EPB41L4A: variants seen among roughly 807,000 people sequenced by gnomAD.
EPB41L4A encodes the protein erythrocyte membrane protein band 4.1 like 4A.
A neutral mutation model predicts 108.6 loss-of-function variants in EPB41L4A; 100 were observed. The ratio of observed to expected loss-of-function variants is 0.92; its 90% CI spans 0.78 to 1.09. EPB41L4A has a LOEUF of 1.09. Among genes scored for constraint, EPB41L4A ranks in the 50% least tolerant of loss-of-function variants. The pLI is 0.00. For missense variants in EPB41L4A, 1,030 were observed against 842.7 expected (o/e 1.22, Z -2.75); for synonymous variants, 319 against 289.0 (o/e 1.10, Z -1.05).
intron 4 of EPB41L4A, among the ~76,000 whole-genome samples, chr5:112,266,576 G>C (rs1751877911): frequency 6.6e-6 from 1 of 152,192 alleles, no homozygotes; most frequent in Non-Finnish European, 1.5e-5. Context: ...CCCAGCCCCA[G>C]CATTCAGTAC....
At chr5:112,416,863 G>T (rs1221726475) in intron 1 of EPB41L4A, among the ~76,000 whole-genome samples, 3 of 152,126 alleles carry the variant, frequency 2.0e-5, no homozygotes, top group African/African-American at 7.2e-5. Context: ...TTATAAATAT[G>T]CAAATATATT....
At chr5:112,240,986 A>G in intron 9 of EPB41L4A, among the ~76,000 whole-genome samples, 176 bp from the exon 10 acceptor site, 1 of 152,204 alleles carries the variant, frequency 6.6e-6, no homozygotes, top group East Asian at 1.9e-4. Context: ...ATCACCTTCC[A>G]TCGATTAAAA....
At chr5:112,278,552 T>C (rs1580595040) in intron 3 of EPB41L4A, among the ~76,000 whole-genome samples, 2 of 152,110 alleles carry the variant, frequency 1.3e-5, no homozygotes, top group Admixed American at 6.6e-5. Flanking sequence ...ACGAGTCTTA[T>C]GCAAATTTTT....
chr5:112,299,990 C>A (rs113190949), intron 2 of EPB41L4A, among the ~76,000 whole-genome samples: 113 of 152,244 alleles, frequency 7.4e-4, no homozygotes, highest in African/African-American at 2.5e-3. Context: ...TGTCTATTTG[C>A]ATGGAATATC....
Position 112,165,655 on chromosome 5 carries a change from T to C in EPB41L4A, c.1933-537A>G, listed in dbSNP as rs574827433. ...TCATCACTGGTGGAGGCTCTGAGAA[T>C]GACACTAACTCACAACTACTACTTC... is the stretch of plus-strand genomic sequence containing the variant. On this transcript the variant is annotated intron_variant, in intron 22 of 22. Transcript: ENST00000261486. 3.0e-4 allele frequency among the ~76,000 whole-genome samples: 46 copies of C among 152,322 alleles called. 1 individual carries two copies. The highest frequency in any genetic ancestry group is 1.1e-3 in the African/African-American group (45 of 41,572).
At chr5:112,250,073 A>G (rs1367274590) in intron 9 of EPB41L4A, among the ~76,000 whole-genome samples, 1 of 152,148 alleles carries the variant, frequency 6.6e-6, no homozygotes, top group Non-Finnish European at 1.5e-5. Flanking sequence ...GTATTTTTTA[A>G]CTGAAAAATC....
At chr5:112,224,451 A>C (rs553477477) in intron 12 of EPB41L4A, among the ~76,000 whole-genome samples, 1 of 152,326 alleles carries the variant, frequency 6.6e-6, no homozygotes, top group African/African-American at 2.4e-5. Flanking sequence ...TGGTCCTTCC[A>C]ACTCTGTGGG....
chr5:112,218,745 T>C (rs557938448), intron 12 of EPB41L4A, among the ~76,000 whole-genome samples: 1 of 152,332 alleles, frequency 6.6e-6, no homozygotes, highest in African/African-American at 2.4e-5. Flanking sequence ...AATTGGGAAG[T>C]TTTTTGTCTG....
At chr5:112,285,303 G>A (rs1453232181) in intron 2 of EPB41L4A, among the ~76,000 whole-genome samples, 1 of 152,134 alleles carries the variant, frequency 6.6e-6, no homozygotes, top group Admixed American at 6.5e-5. Flanking sequence ...AACAGAGTTG[G>A]TCATGTACCA....
intron 3 of EPB41L4A, 99 bp downstream of exon 3, chr5:112,280,173 C>A: frequency 5.0e-6 from 5 of 997,832 alleles, no homozygotes; most frequent in South Asian, 3.9e-5. Flanking sequence ...GTATTCACTT[C>A]TTTCTCCAGT....
rs1288903846 is a variant in EPB41L4A, at chr5:112,234,553, G to C, written c.1087+81C>G. On this transcript the variant is annotated intron_variant, in intron 12 of 22. Coordinates refer to ENST00000261486, the MANE Select transcript of EPB41L4A (RefSeq NM_022140.5). ...TCAATAGAAAGACTGTAGAGTTATA[G>C]ACATCACCTGAGTATATCTTACACT... is the stretch of plus-strand genomic sequence containing the variant. The C allele has an allele frequency of 8.3e-6, 11 of 1,329,942 alleles. No individual in the cohort carries two copies. In the South Asian group the frequency reaches 1.2e-4, roughly 14 times the overall value. The allele number at this position is 1,329,942 out of a possible 1,614,324, so 82.4% of individuals were successfully genotyped here. A position where few individuals can be genotyped will look rare whatever the true frequency, so the allele number is the denominator to read the frequency against.
At chr5:112,311,823 T>C (rs1755072859) in intron 1 of EPB41L4A, among the ~76,000 whole-genome samples, 1 of 152,222 alleles carries the variant, frequency 6.6e-6, no homozygotes, top group South Asian at 2.1e-4. Flanking sequence ...CATATGAAGA[T>C]AGTCTTCCAT....
chr5:112,206,447 G>A (rs183453782), intron 13 of EPB41L4A, among the ~76,000 whole-genome samples: 111 of 151,896 alleles, frequency 7.3e-4, no homozygotes, highest in Admixed American at 1.2e-3. Context: ...TCTGACAGAG[G>A]CATATAACCC....
At chr5:112,306,520 G>GT (rs1229660469) in intron 2 of EPB41L4A, among the ~76,000 whole-genome samples, 1 of 152,130 alleles carries the variant, frequency 6.6e-6, no homozygotes, top group Non-Finnish European at 1.5e-5. Context: ...TTCACTGAAT[G>GT]TACCACAAAT....
At chr5:112,273,137 T>C (rs1356119698) in intron 4 of EPB41L4A, among the ~76,000 whole-genome samples, 2 of 152,224 alleles carry the variant, frequency 1.3e-5, no homozygotes, top group Non-Finnish European at 2.9e-5. Flanking sequence ...AATATATTCA[T>C]GCAAATCAAT....
In EPB41L4A at chr5:112,228,736, G is replaced by C. The variant is rs1748652849; in HGVS notation, c.1087+5898C>G. 1.8e-5 allele frequency: 18 copies of C among 985,432 alleles called. 2 individuals carry two copies. The South Asian group carries it at 7.0e-4, about 39-fold the overall frequency. 61.0% of individuals were successfully genotyped at this position (985,432 alleles called of 1,614,324 possible). On this transcript the variant is annotated intron_variant, in intron 12 of 22. Transcript: ENST00000261486. ...AGTTGCCAAGAACTTGTCAGAGAGA[G>C]GGTTGTAACAGGAGGGCACTTTTTC...
At chr5:112,175,101 C>G (rs1275144917) in intron 18 of EPB41L4A, 1 of 152,260 alleles carries the variant, frequency 6.6e-6, no homozygotes, top group African/African-American at 2.4e-5. Flanking sequence ...TTGTGTGTAA[C>G]TGAGAACATC....
In EPB41L4A at chr5:112,164,940, C is replaced by G; in HGVS notation, c.*50G>C. ...TACCTATTTCACAGTTTCAAAAGTACCAGTGGCGCACACAACCTTCCCACC... is the reference window on the plus strand; with the variant it reads ...TACCTATTTCACAGTTTCAAAAGTAGCAGTGGCGCACACAACCTTCCCACC... On this transcript the variant is annotated 3_prime_UTR_variant, in exon 23 of 23. Coordinates refer to ENST00000261486, the MANE Select transcript of EPB41L4A (RefSeq NM_022140.5). 6.6e-7 allele frequency: 1 copy of G among 1,507,730 alleles called. No individual in the cohort carries two copies. The highest frequency in any genetic ancestry group is 8.8e-7 in the Non-Finnish European group (1 of 1,130,254). The allele number at this position is 1,507,730 out of a possible 1,614,324, so 93.4% of individuals were successfully genotyped here.
intron 1 of EPB41L4A, among the ~76,000 whole-genome samples, chr5:112,397,325 T>C (rs2112719488): frequency 6.6e-6 from 1 of 152,342 alleles, no homozygotes; most frequent in South Asian, 2.1e-4. Flanking sequence ...TTCATAGACT[T>C]GATCTAAGAA....
Sources: allele counts gnomAD v4.1 joint callset (sites outside exome capture counted in the v4.1 genomes callset), GRCh38; gene constraint gnomAD v4.1.1; transcripts MANE v1.5; gene names NCBI Gene and HGNC (gene_info 2026-07-23, HGNC 2026-07-21).